The following SAT1 variants were observed in gnomAD, a reference collection of about 807,000 sequenced individuals.
SAT1 encodes the protein diamine acetyltransferase 1.
A neutral mutation model predicts 14.7 loss-of-function variants in SAT1; 1 was observed. The observed-to-expected ratio is 0.07, with a 90% CI of 0.02 to 0.32. SAT1 has a LOEUF of 0.32. Ranked by LOEUF, SAT1 falls within the 10% of genes least tolerant of loss-of-function variation. The pLI, the probability that SAT1 is intolerant of heterozygous loss-of-function variation, is 1.00. For synonymous variants in SAT1, 67 were observed against 46.1 expected (o/e 1.45, Z -1.84); for missense variants, 77 against 129.1 (o/e 0.60, Z 1.96).
At position 23,783,195 on chromosome X, in the gene SAT1, G is replaced by T. The variant is rs753371942; in HGVS notation, c.-157G>T. On this transcript the variant is annotated 5_prime_UTR_variant, in exon 1 of 6. Transcript: ENST00000379270. ...AATGCGCAGCTCTTAGTCGCGGGCC[G>T]ACTGGTGTTTATCCGTCACTCGCCG... The T allele has an allele frequency of 8.0e-6, 4 of 497,931 alleles. No individual in the cohort carries two copies. The highest frequency in any genetic ancestry group is 6.3e-5 in the Admixed American group (2 of 31,971). 41.0% of individuals were successfully genotyped at this position (497,931 alleles called of 1,213,427 possible).
rs878956182 is a variant in SAT1 at position 23,783,422 on chromosome X, C to T, written c.66+5C>T. The stretch of plus-strand genomic sequence containing the variant: ...GACATACTGCGGCTGATCAAGGTAG[C>T]GGAGAGCCAGAGCTCCTCCCGGGGC... On this transcript the variant is annotated splice_donor_5th_base_variant and intron_variant, in intron 1 of 5. Coordinates refer to ENST00000379270, the MANE Select transcript of SAT1 (RefSeq NM_002970.4). 5.0e-6 allele frequency: 6 copies of T among 1,201,962 alleles called. No individual in the cohort carries two copies. The Admixed American group carries it at 8.8e-5, about 18-fold the overall frequency.
Position 23,785,975 on chromosome X carries a change from A to C in SAT1, c.*119A>C, listed in dbSNP as rs1476828313. ...TGAGCACCCATTCCAAAGCTTTATT[A>C]CCAGTGGCGTTGTTGCATGTTTGAA... On this transcript the variant is annotated 3_prime_UTR_variant, in exon 6 of 6. Transcript: ENST00000379270. 2.0e-5 allele frequency: 12 copies of C among 605,311 alleles called. No homozygotes were observed. The highest frequency in any genetic ancestry group is 2.7e-5 in the Non-Finnish European group (11 of 412,350). The allele number at this position is 605,311 out of a possible 1,213,427, so 49.9% of individuals were successfully genotyped here. A position where few individuals can be genotyped will look rare whatever the true frequency, so the allele number is the denominator to read the frequency against.
Position 23,785,502 on chromosome X carries a change from T to C in SAT1, c.305-18T>C, listed in dbSNP as rs754587266. The C allele has an allele frequency of 1.7e-6, 2 of 1,199,830 alleles. No homozygotes were observed. Among genetic ancestry groups the C allele is most frequent in the Non-Finnish European group, 2.3e-6 (2 of 884,434 alleles). Reference sequence around the variant, plus strand: ...AAATGCTTACAATGACTTTTTAAATTGTACTCTTTCTTTTTAGGCTTTGGC... The same window carrying C: ...AAATGCTTACAATGACTTTTTAAATCGTACTCTTTCTTTTTAGGCTTTGGC... On this transcript the variant is annotated intron_variant, in intron 4 of 5. Transcript: ENST00000379270.
chrX:23,785,116 C>A, intron 3 of SAT1: 1 of 434,026 alleles, frequency 2.3e-6, no homozygotes, highest in Admixed American at 4.1e-5. Context: ...CTGATGTGTG[C>A]TTTTTGCAAA....
At position 23,785,923 on chromosome X, in the gene SAT1, T is replaced by C. The variant is rs1601857075; in HGVS notation, c.*67T>C. On this transcript the variant is annotated 3_prime_UTR_variant, in exon 6 of 6. Transcript: ENST00000379270. ...TAAATTCCCAACTTCTCTTGCTTTC[T>C]ATGCTGTTTGTAGTGAAATAATAGA... 2.1e-6 allele frequency: 2 copies of C among 952,750 alleles called. No homozygotes were observed. Among genetic ancestry groups the C allele is most frequent in the Non-Finnish European group, 2.8e-6 (2 of 703,001 alleles). 78.5% of individuals were successfully genotyped at this position (952,750 alleles called of 1,213,427 possible).
intron 1 of SAT1, 30 bp downstream of exon 1, chrX:23,783,447 CGTGGGGTGGAGGTGGCTCCGTTTCCCAGA>C: frequency 8.6e-7 from 1 of 1,169,171 alleles, no homozygotes; most frequent in African/African-American, 1.8e-5. Flanking sequence ...CCTCCCGGGG[CGTGGGGTGGAGGTGGCTCCGTTTCCCAGA>C]GTGGGGTGAT....
intron 3 of SAT1, 99 bp downstream of exon 3, chrX:23,783,982 G>A (rs757743977): frequency 3.6e-5 from 43 of 1,191,277 alleles, no homozygotes; most frequent in Non-Finnish European, 4.3e-5. Flanking sequence ...CGAAGTTACT[G>A]AGAACTTGGA....
chrX:23,784,930 G>A (rs1243944535), intron 3 of SAT1: 5 of 141,780 alleles, frequency 3.5e-5, no homozygotes, highest in South Asian at 4.1e-4. Flanking sequence ...TAAACCTGAC[G>A]TATTCCCAAG....
At chrX:23,783,965 C>T in intron 3 of SAT1, 82 bp downstream of exon 3, 1 of 1,204,209 alleles carries the variant, frequency 8.3e-7, no homozygotes, top group Admixed American at 2.2e-5. Flanking sequence ...CCACTGACTA[C>T]ACAGGCCGAA....
chrX:23,785,254 G>T lies in SAT1; in HGVS notation c.203-74G>T, dbSNP rs937311216. On this transcript the variant is annotated intron_variant, in intron 3 of 5. Transcript: ENST00000379270. Reference sequence around the variant, plus strand: ...GTGTGTTTTTTAAAACCTATGATAGGCCTCTGATTCTGCAGCTGCAACTTT... The same window carrying T: ...GTGTGTTTTTTAAAACCTATGATAGTCCTCTGATTCTGCAGCTGCAACTTT... The T allele has an allele frequency of 2.6e-5, 19 of 733,707 alleles. No individual in the cohort carries two copies. The African/African-American group carries it at 3.3e-4, about 13-fold the overall frequency. 60.5% of individuals were successfully genotyped at this position (733,707 alleles called of 1,213,427 possible).
Position 23,783,702 on chromosome X carries a change from T to G in SAT1, c.111T>G (p.Thr37=), listed in dbSNP as rs758575147. 9.9e-6 allele frequency: 12 copies of G among 1,207,674 alleles called. No homozygotes were observed. The highest frequency in any genetic ancestry group is 2.2e-5 in the Admixed American group (1 of 45,456). ...YEYMEEQVIL[T]EKDLLEDGFG... Reference sequence around the variant, plus strand: ...ACATGGAAGAACAAGTAATCTTAACTGAAAAAGGTAATTCAACAGTGGCGG... The same window carrying G: ...ACATGGAAGAACAAGTAATCTTAACGGAAAAAGGTAATTCAACAGTGGCGG... The change falls in exon 2 of 6, where the codon ACT becomes ACG. Residue 37 remains threonine (T), a synonymous_variant. Transcript: ENST00000379270.
At chrX:23,783,984 G>C in intron 3 of SAT1, 101 bp downstream of exon 3, 1 of 1,186,811 alleles carries the variant, frequency 8.4e-7, no homozygotes, top group East Asian at 3.0e-5. Flanking sequence ...AAGTTACTGA[G>C]AACTTGGACA....
intron 1 of SAT1, 79 bp from the exon 2 acceptor site, chrX:23,783,579 C>CCAAACCAT: frequency 1.3e-6 from 1 of 770,314 alleles, no homozygotes; most frequent in Non-Finnish European, 1.9e-6. Flanking sequence ...CCGCCCGCCC[C>CCAAACCAT]ATTCCGTTCC....
At chrX:23,785,492 CTT>C in intron 4 of SAT1, 26 bp from the exon 5 acceptor site, 1 of 1,195,262 alleles carries the variant, frequency 8.4e-7, no homozygotes, top group Non-Finnish European at 1.1e-6. Flanking sequence ...CTTACAATGA[CTT>C]TTTAAATTGT....
At chrX:23,783,501 C>T in intron 1 of SAT1, 84 bp downstream of exon 1, 11 of 1,002,190 alleles carry the variant, frequency 1.1e-5, no homozygotes, top group Non-Finnish European at 1.5e-5. Context: ...GTCTTGAGGT[C>T]TCGGCCGGTG....
Position 23,785,920 on chromosome X carries a change from T to G in SAT1, c.*64T>G. 1 of 954,711 alleles carries G rather than the reference T, an allele frequency of 1.0e-6. No homozygotes were observed. Among genetic ancestry groups the G allele is most frequent in the East Asian group, 3.2e-5 (1 of 31,600 alleles). The allele number at this position is 954,711 out of a possible 1,213,427, so 78.7% of individuals were successfully genotyped here. ...GAATAAATTCCCAACTTCTCTTGCT[T>G]TCTATGCTGTTTGTAGTGAAATAAT... On this transcript the variant is annotated 3_prime_UTR_variant, in exon 6 of 6. Coordinates refer to ENST00000379270, the MANE Select transcript of SAT1 (RefSeq NM_002970.4).
chrX:23,785,925 T>A lies in SAT1; in HGVS notation c.*69T>A, dbSNP rs1922702112. On this transcript the variant is annotated 3_prime_UTR_variant, in exon 6 of 6. Coordinates refer to ENST00000379270, the MANE Select transcript of SAT1 (RefSeq NM_002970.4). ...AATTCCCAACTTCTCTTGCTTTCTA[T>A]GCTGTTTGTAGTGAAATAATAGAAT... 6 of 941,900 alleles carry A rather than the reference T, an allele frequency of 6.4e-6. No homozygotes were observed. The South Asian group carries it at 1.6e-4, about 26-fold the overall frequency. The allele number at this position is 941,900 out of a possible 1,213,427, so 77.6% of individuals were successfully genotyped here.
Position 23,783,789 on chromosome X carries a change from C to T in SAT1, c.119-11C>T. ...CAAGGCCATTACCGCCCCTGCTCCC[C>T]CTTCTTGCAGATCTGCTAGAAGATG... On this transcript the variant is annotated splice_polypyrimidine_tract_variant and intron_variant, in intron 2 of 5. Coordinates refer to ENST00000379270, the MANE Select transcript of SAT1 (RefSeq NM_002970.4). 2 of 1,211,203 alleles carry T rather than the reference C, an allele frequency of 1.7e-6. No individual in the cohort carries two copies. Among genetic ancestry groups the T allele is most frequent in the Non-Finnish European group, 2.2e-6 (2 of 894,871 alleles).
chrX:23,785,455 T>C, intron 4 of SAT1, 26 bp downstream of exon 4: 1 of 1,164,788 alleles, frequency 8.6e-7, no homozygotes, highest in South Asian at 1.8e-5. Context: ...GAGCAGAGGG[T>C]CTGAAGAGAG....
Sources: gnomAD v4.1 joint callset for allele counts on GRCh38, gnomAD v4.1.1 for gene constraint, MANE v1.5 for transcripts, NCBI Gene and HGNC (gene_info 2026-07-23, HGNC 2026-07-21) for gene names.